UNC13B: variants seen among roughly 807,000 people sequenced by gnomAD.
UNC13B encodes the protein unc-13 homolog B.
A neutral mutation model predicts 211.0 loss-of-function variants in UNC13B; 144 were observed. That is an observed-to-expected ratio of 0.68 (90% confidence interval 0.60 to 0.78). The LOEUF (loss-of-function observed/expected upper bound fraction) is 0.78. UNC13B is among the 30% of genes least tolerant of loss of function. UNC13B has a pLI of 0.00. For missense variants in UNC13B, 1,777 were observed against 2,002.0 expected (o/e 0.89, Z 2.14); for synonymous variants, 709 against 725.8 (o/e 0.98, Z 0.37).
chr9:35,399,852 T>C, intron 36 of UNC13B, 123 bp downstream of exon 36: 4 of 941,000 alleles, frequency 4.3e-6, no homozygotes, highest in Non-Finnish European at 5.0e-6. Flanking sequence ...AGAGTTACTA[T>C]GTACTGCCAA....
intron 2 of UNC13B, 77 bp from the exon 3 acceptor site, chr9:35,231,043 T>C: frequency 2.1e-6 from 2 of 954,924 alleles, no homozygotes; most frequent in Non-Finnish European, 3.2e-6. Context: ...TCTATATTGC[T>C]TAATTCCAAG....
chr9:35,207,293 T>A (rs1007455027), intron 1 of UNC13B, among the ~76,000 whole-genome samples: 2 of 152,112 alleles, frequency 1.3e-5, no homozygotes, highest in African/African-American at 2.4e-5. Context: ...GGAGTCTTAT[T>A]CTGTAACTCA....
chr9:35,181,748 A>C (rs934444102), intron 1 of UNC13B, among the ~76,000 whole-genome samples: 3 of 152,164 alleles, frequency 2.0e-5, no homozygotes, highest in Non-Finnish European at 4.4e-5. Context: ...GAGGCAGTAG[A>C]ATTGCTTGAA....
At chr9:35,350,332 G>A (rs1832634490) in intron 11 of UNC13B, among the ~76,000 whole-genome samples, 1 of 152,150 alleles carries the variant, frequency 6.6e-6, no homozygotes, top group African/African-American at 2.4e-5. Context: ...CCTCTGTGAG[G>A]TAACCCTCCC....
intron 3 of UNC13B, among the ~76,000 whole-genome samples, chr9:35,231,882 G>A (rs546972288): frequency 1.9e-4 from 29 of 151,986 alleles, no homozygotes; most frequent in Non-Finnish European, 3.8e-4. Context: ...TCTACAAAAG[G>A]GGAGAAAAGT....
chr9:35,398,460 C>T (rs1300078151), intron 31 of UNC13B, 94 bp from the exon 32 acceptor site: 1 of 1,415,262 alleles, frequency 7.1e-7, no homozygotes, highest in Non-Finnish European at 9.9e-7. Flanking sequence ...GGAATAGGCA[C>T]TGGGGTAAGC....
At chr9:35,234,092 T>C (rs1395096556) in intron 3 of UNC13B, among the ~76,000 whole-genome samples, 2 of 152,166 alleles carry the variant, frequency 1.3e-5, no homozygotes, top group Non-Finnish European at 2.9e-5. Context: ...GGGAATATTA[T>C]ATATGTATCC....
intron 1 of UNC13B, among the ~76,000 whole-genome samples, chr9:35,181,295 T>C (rs1821925623): frequency 1.3e-5 from 2 of 152,274 alleles, no homozygotes; most frequent in South Asian, 4.1e-4. Context: ...TTTAAGCAAG[T>C]CTCTTAGAGC....
In UNC13B at chr9:35,399,269, A is replaced by G. The variant is rs970996253; in HGVS notation, c.12183A>G (p.Pro4061=). The G allele has an allele frequency of 1.2e-5, 20 of 1,613,638 alleles. No individual in the cohort carries two copies. Among genetic ancestry groups the G allele is most frequent in the Non-Finnish European group, 1.6e-5 (19 of 1,179,924 alleles). Residue 4061 remains proline (P), a synonymous_variant, in exon 34 of 40, where the codon CCA becomes CCG. Transcript: ENST00000635942. ...TGGAGAGGATGATTGTTCTGCCCCC[A>G]CTCACTGACCAGACGGTAAGGACAC... ...NTMERMIVLP[P]LTDQTGTQLI...
intron 7 of UNC13B, among the ~76,000 whole-genome samples, chr9:35,261,933 T>C (rs1388590187): frequency 6.6e-6 from 1 of 152,208 alleles, no homozygotes; most frequent in Non-Finnish European, 1.5e-5. Context: ...TTCATCCATA[T>C]TGTTGCAAAT....
At chr9:35,208,073 A>G (rs746544381) in intron 1 of UNC13B, among the ~76,000 whole-genome samples, 1 of 152,226 alleles carries the variant, frequency 6.6e-6, no homozygotes, top group Non-Finnish European at 1.5e-5. Context: ...TATCTCTATC[A>G]GCCAGTAGAT....
chr9:35,231,946 T>G (rs540352731), intron 3 of UNC13B, among the ~76,000 whole-genome samples: 5 of 152,114 alleles, frequency 3.3e-5, no homozygotes, highest in African/African-American at 1.2e-4. Context: ...GGCACTAGTT[T>G]CCTTATCTGT....
intron 1 of UNC13B, among the ~76,000 whole-genome samples, chr9:35,205,663 T>C (rs953926546): frequency 6.6e-6 from 1 of 152,256 alleles, no homozygotes; most frequent in Non-Finnish European, 1.5e-5. Flanking sequence ...TAGTCTTTTG[T>C]AGCTGCTTTC....
intron 25 of UNC13B, 103 bp from the exon 26 acceptor site, chr9:35,390,526 C>T: frequency 7.7e-7 from 1 of 1,293,004 alleles, no homozygotes; most frequent in Non-Finnish European, 1.1e-6. Context: ...AGCATCTCCT[C>T]TCTCCAATAT....
rs1184690832 is a variant in UNC13B, at chr9:35,302,470, A to T, written c.3066A>T (p.Thr1022=). ...ATAATCTAGGGAAATTTGACAGTACAGAGGAATTTAATCAGAATGACCAAA... is the reference window on the plus strand; with the variant it reads ...ATAATCTAGGGAAATTTGACAGTACTGAGGAATTTAATCAGAATGACCAAA... The part of the protein sequence containing the change: ...TQDNLGKFDS[T]EEFNQNDQIN... The change falls in exon 9 of 40, where the codon ACA becomes ACT. Residue 1022 remains threonine, a synonymous_variant. Transcript: ENST00000635942. 1 of 398,618 alleles carries T rather than the reference A, an allele frequency of 2.5e-6. No individual in the cohort carries two copies. The highest frequency in any genetic ancestry group is 4.4e-6 in the Non-Finnish European group (1 of 225,820). The allele number at this position is 398,618 out of a possible 1,614,324, so 24.7% of individuals were successfully genotyped here. A position where few individuals can be genotyped will look rare whatever the true frequency, so the allele number is the denominator to read the frequency against.
At chr9:35,390,125 A>C (rs929334566) in intron 25 of UNC13B, 152 bp downstream of exon 25, 1 of 1,431,448 alleles carries the variant, frequency 7.0e-7, no homozygotes, top group Non-Finnish European at 9.4e-7. Context: ...TGTCTGGGTA[A>C]CTGTTTCTGG....
At chr9:35,382,653 C>T (rs1834933871) in intron 21 of UNC13B, 146 bp downstream of exon 21, 1 of 952,180 alleles carries the variant, frequency 1.1e-6, no homozygotes, top group East Asian at 2.8e-5. Context: ...ACTTCTACCT[C>T]CTGGGTTCAA....
In UNC13B at chr9:35,260,057, A is replaced by AAAC. The variant is rs1341548365; in HGVS notation, c.526+1009_526+1010insCAA. On this transcript the variant is annotated intron_variant, in intron 7 of 39. Transcript: ENST00000635942. ...TTTCTACAAAAAAAAAAAAAAAAAA[A>AAAC]AAAAAAACCAAGTGTGATGGCATGT... 2.7e-5 allele frequency among the ~76,000 whole-genome samples: 4 copies of AAAC among 149,368 alleles called. 1 individual carries two copies. Among genetic ancestry groups the AAAC allele is most frequent in the Non-Finnish European group, 6.0e-5 (4 of 67,204 alleles).
At chr9:35,180,132 C>A (rs1214606194) in intron 1 of UNC13B, among the ~76,000 whole-genome samples, 1 of 152,134 alleles carries the variant, frequency 6.6e-6, no homozygotes, top group Non-Finnish European at 1.5e-5. Context: ...TCAATTATAA[C>A]CTTAACTGTG....
Sources: allele counts gnomAD v4.1 joint callset (sites outside exome capture counted in the v4.1 genomes callset), GRCh38; gene constraint gnomAD v4.1.1; transcripts MANE v1.5; gene names NCBI Gene and HGNC (gene_info 2026-07-23, HGNC 2026-07-21).